The following SLC9A2 variants were observed in gnomAD, a reference collection of about 807,000 sequenced individuals.
SLC9A2 encodes solute carrier family 9 member A2, also known as sodium/hydrogen exchanger 2.
Under a neutral mutation model 71.7 loss-of-function variants are expected in SLC9A2, and 42 were observed. The ratio of observed to expected loss-of-function variants is 0.59; its 90% CI spans 0.46 to 0.76. The LOEUF (loss-of-function observed/expected upper bound fraction) is 0.76. Among genes scored for constraint, SLC9A2 ranks in the 30% least tolerant of loss-of-function variants. The pLI, the probability that SLC9A2 is intolerant of heterozygous loss-of-function variation, is 0.00. For synonymous variants in SLC9A2, 396 were observed against 392.5 expected, an observed-to-expected ratio of 1.01 and a Z score of -0.10; for missense variants, 829 against 1,017.4, an observed-to-expected ratio of 0.81 and a Z score of 2.52.
At chr2:102,697,858 T>G (rs543155417) in intron 7 of SLC9A2, among the ~76,000 whole-genome samples, 1 of 151,994 alleles carries the variant, frequency 6.6e-6, no homozygotes, top group South Asian at 2.1e-4. Flanking sequence ...TTCCAGTGGT[T>G]CTGCCAGAGA....
At chr2:102,702,820 A>G (rs1437486270) in intron 9 of SLC9A2, among the ~76,000 whole-genome samples, 4 of 152,236 alleles carry the variant, frequency 2.6e-5, no homozygotes, top group Non-Finnish European at 5.9e-5. Context: ...TTAGACTTTA[A>G]AAATGGACCT....
rs182940775 is a variant in SLC9A2 at position 102,711,173 on chromosome 2, G to A, written c.*2684G>A. ...AAAACTGTAGACAAACACAGTACGA[G>A]TCTCAGCACGTTTTGCATTTATTGT... On this transcript the variant is annotated 3_prime_UTR_variant, in exon 12 of 12. Coordinates refer to ENST00000233969, the MANE Select transcript of SLC9A2 (RefSeq NM_003048.6). The A allele has an allele frequency of 6.6e-6, 1 of 152,428 alleles. No individual in the cohort carries two copies. Among genetic ancestry groups the A allele is most frequent in the Non-Finnish European group, 1.5e-5 (1 of 68,032 alleles). The allele number at this position is 152,428 out of a possible 1,614,324, so 9.4% of individuals were successfully genotyped here. A position where few individuals can be genotyped will look rare whatever the true frequency, so the allele number is the denominator to read the frequency against.
Position 102,658,106 on chromosome 2 carries a change from G to T in SLC9A2, c.753+79G>T, listed in dbSNP as rs149903486. 926 of 1,108,026 alleles carry T rather than the reference G, an allele frequency of 8.4e-4. 7 individuals are homozygous for T. The African/African-American group carries it at 0.013, about 16-fold the overall frequency. The allele number at this position is 1,108,026 out of a possible 1,614,324, so 68.6% of individuals were successfully genotyped here. A position where few individuals can be genotyped will look rare whatever the true frequency, so the allele number is the denominator to read the frequency against. ...TGCAGTGGCTCTCTGCACCTCAACT[G>T]GCAGGGGCGAGACCCTGCACACAGG... is the stretch of plus-strand genomic sequence containing the variant. On this transcript the variant is annotated intron_variant, in intron 2 of 11. Coordinates refer to ENST00000233969, the MANE Select transcript of SLC9A2 (RefSeq NM_003048.6).
intron 4 of SLC9A2, among the ~76,000 whole-genome samples, chr2:102,683,716 A>G (rs1305792387): frequency 6.9e-6 from 1 of 143,986 alleles, no homozygotes; most frequent in African/African-American, 2.6e-5. Context: ...CTTCCCTATT[A>G]TCTTCTTCCT....
chr2:102,630,708 T>C (rs543679507), intron 1 of SLC9A2, among the ~76,000 whole-genome samples: 38 of 152,088 alleles, frequency 2.5e-4, no homozygotes, highest in Non-Finnish European at 4.3e-4. Flanking sequence ...AACCTACTCA[T>C]TGGATTTTTA....
intron 1 of SLC9A2, among the ~76,000 whole-genome samples, chr2:102,627,863 A>G (rs1255720099): frequency 6.6e-6 from 1 of 152,158 alleles, no homozygotes; most frequent in African/African-American, 2.4e-5. Flanking sequence ...AGAAACACCA[A>G]TATTTAAAAA....
intron 3 of SLC9A2, among the ~76,000 whole-genome samples, chr2:102,672,113 AAAT>A (rs1275043970): frequency 1.3e-5 from 2 of 152,114 alleles, no homozygotes; most frequent in Non-Finnish European, 2.9e-5. Context: ...CGTCTCAAAA[AAAT>A]AATAATAATA....
rs778435395 is a variant in SLC9A2 at position 102,620,054 on chromosome 2, C to T, written c.206C>T (p.Pro69Leu). 6.2e-7 allele frequency: 1 copy of T among 1,614,112 alleles called. No individual in the cohort carries two copies. The highest frequency in any genetic ancestry group is 1.1e-5 in the South Asian group (1 of 91,058). Residue 69 changes from proline to leucine, a missense_variant, in exon 1 of 12, where the codon CCT becomes CTT. Pro to Leu is a moderately conservative substitution (Grantham distance 98). This residue lies in a region of SLC9A2 where 106 missense variants were observed against 93.5 expected (regional missense o/e 1.13). Coordinates refer to ENST00000233969, the MANE Select transcript of SLC9A2 (RefSeq NM_003048.6). Reference protein sequence around the residue: ...GTTLFEESRLPVFTLDYPHVQ... With the variant: ...GTTLFEESRLLVFTLDYPHVQ... ...ACGCTGTTCGAGGAGAGCCGGCTGC[C>T]TGTGTTTACGCTGGATTACCCCCAC...
chr2:102,711,254 G>A lies in SLC9A2; in HGVS notation c.*2765G>A, dbSNP rs1678105919. 1 of 152,198 alleles carries A rather than the reference G, an allele frequency of 6.6e-6. No individual in the cohort carries two copies. Among genetic ancestry groups the A allele is most frequent in the African/African-American group, 2.4e-5 (1 of 41,384 alleles). The allele number at this position is 152,198 out of a possible 1,614,324, so 9.4% of individuals were successfully genotyped here. The stretch of plus-strand genomic sequence containing the variant: ...ACGTTTCATAATCTGCAATATTTTT[G>A]TCAAAGTGCACACTGTACTTTCTTC... On this transcript the variant is annotated 3_prime_UTR_variant, in exon 12 of 12. Coordinates refer to ENST00000233969, the MANE Select transcript of SLC9A2 (RefSeq NM_003048.6).
At chr2:102,646,768 A>ATATATATATATATATATAT (rs1676731084) in intron 1 of SLC9A2, among the ~76,000 whole-genome samples, 17 of 132,974 alleles carry the variant, frequency 1.3e-4, no homozygotes, top group African/African-American at 5.0e-4. Context: ...AACGATCCTA[A>ATATATATATATATATATAT]ATATATATAT....
At chr2:102,659,030 G>A (rs1433757541) in intron 2 of SLC9A2, among the ~76,000 whole-genome samples, 1 of 152,130 alleles carries the variant, frequency 6.6e-6, no homozygotes, top group African/African-American at 2.4e-5. Context: ...GATAAGAAAA[G>A]CGAGGCAGAA....
chr2:102,628,009 C>T (rs1227023321), intron 1 of SLC9A2, among the ~76,000 whole-genome samples: 5 of 152,082 alleles, frequency 3.3e-5, no homozygotes, highest in Non-Finnish European at 7.4e-5. Flanking sequence ...AGCTTACTTA[C>T]TTATTGAAAC....
chr2:102,619,836 A>G lies in SLC9A2; in HGVS notation c.-13A>G, dbSNP rs1676099824. The G allele has an allele frequency of 6.8e-7, 1 of 1,480,224 alleles. No homozygotes were observed. The highest frequency in any genetic ancestry group is 9.0e-7 in the Non-Finnish European group (1 of 1,117,220). The allele number at this position is 1,480,224 out of a possible 1,614,324, so 91.7% of individuals were successfully genotyped here. On this transcript the variant is annotated 5_prime_UTR_variant, in exon 1 of 12. Transcript: ENST00000233969. The surrounding 1 kb of genome is among the most constrained non-coding windows in gnomAD (Gnocchi z 4.3). ...CCAACCGCCGGTCCCCTTGGCGGCA[A>G]CCGGCGGCACCCATGGAACCACTGG...
At chr2:102,677,190 T>C (rs769296166) in intron 3 of SLC9A2, among the ~76,000 whole-genome samples, 1 of 152,064 alleles carries the variant, frequency 6.6e-6, no homozygotes, top group Non-Finnish European at 1.5e-5. Context: ...AGTCATGGAG[T>C]AATACAGAGG....
intron 3 of SLC9A2, 32 bp from the exon 4 acceptor site, chr2:102,683,229 G>A: frequency 6.7e-7 from 1 of 1,482,802 alleles, no homozygotes; most frequent in Non-Finnish European, 9.4e-7. Flanking sequence ...ATCATTGTTA[G>A]GTTTCAATAG....
rs1373249758 is a variant in SLC9A2, at chr2:102,710,447, TATAA to T, written c.*1960_*1963del. The stretch of plus-strand genomic sequence containing the variant: ...CCCAGTTTCCTATGTTTATAACTAT[TATAA>T]AGAGTTTAACTTTCTGGAACTGAAG... On this transcript the variant is annotated 3_prime_UTR_variant, in exon 12 of 12. Coordinates refer to ENST00000233969, the MANE Select transcript of SLC9A2 (RefSeq NM_003048.6). 7.0e-6 allele frequency: 1 copy of T among 142,478 alleles called. No homozygotes were observed. Among genetic ancestry groups the T allele is most frequent in the Non-Finnish European group, 1.6e-5 (1 of 62,294 alleles). The allele number at this position is 142,478 out of a possible 1,614,324, so 8.8% of individuals were successfully genotyped here. A position where few individuals can be genotyped will look rare whatever the true frequency, so the allele number is the denominator to read the frequency against.
chr2:102,646,768 A>AATATATATATATATATATATATATAT lies in SLC9A2; in HGVS notation c.290-10774_290-10773insATATATATATATATATATATATATAT, dbSNP rs201347551. On this transcript the variant is annotated intron_variant, in intron 1 of 11. Coordinates refer to ENST00000233969, the MANE Select transcript of SLC9A2 (RefSeq NM_003048.6). ...GCAGCAAGAAGAGCTAACGATCCTAAATATATATATATATATATATATCTC... is the reference window on the plus strand; with the variant it reads ...GCAGCAAGAAGAGCTAACGATCCTAAATATATATATATATATATATATATATATATATATATATATATATATATCTC... Among the ~76,000 whole-genome samples the AATATATATATATATATATATATATAT allele has an allele frequency of 1.3e-3, 167 of 132,798 alleles. 3 individuals carry two copies. Among genetic ancestry groups the AATATATATATATATATATATATATAT allele is most frequent in the African/African-American group, 3.6e-3 (116 of 32,040 alleles). 87.1% of individuals were successfully genotyped at this position (132,798 alleles called of 152,430 possible).
chr2:102,661,994 T>C (rs571080432), intron 2 of SLC9A2, among the ~76,000 whole-genome samples: 2 of 152,366 alleles, frequency 1.3e-5, no homozygotes, highest in South Asian at 4.1e-4. Context: ...GAATTTTATC[T>C]CGTGCTGATC....
chr2:102,694,866 C>G (rs1330824583), intron 6 of SLC9A2, among the ~76,000 whole-genome samples, 177 bp from the exon 7 acceptor site: 3 of 118,360 alleles, frequency 2.5e-5, no homozygotes, highest in Non-Finnish European at 5.2e-5. Context: ...ACTGATGTGA[C>G]AAACACTTCA....
Sources: gnomAD v4.1 joint callset for allele counts (sites outside exome capture counted in the v4.1 genomes callset) on GRCh38, gnomAD v4.1.1 for gene constraint, gnomAD v4.1.1 regional missense constraint, Gnocchi (gnomAD v3.1) non-coding constraint, MANE v1.5 for transcripts, NCBI Gene and HGNC (gene_info 2026-07-23, HGNC 2026-07-21) for gene names.